RASGEF1C: variants seen among roughly 807,000 people sequenced by gnomAD.
RASGEF1C encodes RasGEF domain family member 1C.
In RASGEF1C, 27 loss-of-function variants were observed where a neutral mutation model predicts 58.1. That is an observed-to-expected ratio of 0.46 (90% CI 0.34 to 0.64). The LOEUF (loss-of-function observed/expected upper bound fraction) is 0.64, where lower values mean the gene tolerates loss of function less well. RASGEF1C is among the 30% of genes least tolerant of loss of function. RASGEF1C has a pLI of 0.01. For synonymous variants in RASGEF1C, 243 were observed against 246.3 expected, an observed-to-expected ratio of 0.99 and a Z score of 0.13; for missense variants, 502 against 605.1, an observed-to-expected ratio of 0.83 and a Z score of 1.79.
At chr5:180,179,555 G>A (rs1767288135) in intron 1 of RASGEF1C, among the ~76,000 whole-genome samples, 1 of 152,192 alleles carries the variant, frequency 6.6e-6, no homozygotes, top group Non-Finnish European at 1.5e-5. Context: ...ATTACCCTAA[G>A]GAGCTAACCC....
intron 1 of RASGEF1C, among the ~76,000 whole-genome samples, chr5:180,206,058 TTCTC>T (rs139871259): frequency 1.3e-5 from 2 of 151,518 alleles, no homozygotes; most frequent in African/African-American, 2.4e-5. Context: ...AATATATTTT[TTCTC>T]TCTCTCTCTC....
In RASGEF1C at chr5:180,126,539, T is replaced by G. The variant is rs565358659; in HGVS notation, c.714+1070A>C. 8.5e-5 allele frequency among the ~76,000 whole-genome samples: 13 copies of G among 152,312 alleles called. No homozygotes were observed. In the South Asian group the frequency reaches 2.5e-3, roughly 29 times the overall value. ...ATACATGGTTTTGTGTTACCCTCTT[T>G]TTTTGTTACCCAAATGGTCACACAC... On this transcript the variant is annotated intron_variant, in intron 6 of 13. Transcript: ENST00000361132.
intron 8 of RASGEF1C, among the ~76,000 whole-genome samples, chr5:180,119,142 G>T (rs907633119): frequency 1.3e-5 from 2 of 152,232 alleles, no homozygotes; most frequent in African/African-American, 4.8e-5. Context: ...TCCCGAGGGG[G>T]CTGGGCTTGC....
intron 4 of RASGEF1C, among the ~76,000 whole-genome samples, chr5:180,132,753 G>A (rs1424571881): frequency 5.3e-5 from 8 of 152,228 alleles, no homozygotes; most frequent in Non-Finnish European, 7.4e-5. Flanking sequence ...GGCAGATCAC[G>A]AGGTCAGGAG....
intron 1 of RASGEF1C, 69 bp from the exon 2 acceptor site, chr5:180,138,127 C>T: frequency 2.0e-6 from 2 of 984,532 alleles, no homozygotes; most frequent in Non-Finnish European, 2.9e-6. Flanking sequence ...TGAGTGGGAG[C>T]TGCTGGTCCC....
rs926734381 is a variant in RASGEF1C, at chr5:180,155,737, G to A, written c.-6-17679C>T. On this transcript the variant is annotated intron_variant, in intron 1 of 13. Coordinates refer to ENST00000361132, the MANE Select transcript of RASGEF1C (RefSeq NM_175062.4). This position sits in a 1 kb window ranked among gnomAD's most constrained non-coding sequence, Gnocchi z 5.2. ...ACTCTTGGCCCACGTTCTCAATTAC[G>A]TCCTGAGAACATACTTCTACAAGGA... 1.3e-5 allele frequency among the ~76,000 whole-genome samples: 2 copies of A among 151,938 alleles called. No individual in the cohort carries two copies. The highest frequency in any genetic ancestry group is 6.6e-5 in the Admixed American group (1 of 15,262).
At chr5:180,191,294 T>G (rs1237701085) in intron 1 of RASGEF1C, among the ~76,000 whole-genome samples, 1 of 152,214 alleles carries the variant, frequency 6.6e-6, no homozygotes, top group Non-Finnish European at 1.5e-5. Flanking sequence ...TAGGTATTTA[T>G]CCAAGAAAAA....
intron 11 of RASGEF1C, 85 bp downstream of exon 11, chr5:180,114,361 G>T: frequency 7.5e-7 from 1 of 1,329,126 alleles, no homozygotes; most frequent in Non-Finnish European, 1.1e-6. Flanking sequence ...CCCCCATGAG[G>T]CTGGGTGTCC....
intron 4 of RASGEF1C, among the ~76,000 whole-genome samples, chr5:180,134,439 G>C (rs970869682): frequency 5.9e-5 from 9 of 151,416 alleles, no homozygotes; most frequent in Non-Finnish European, 8.8e-5. Context: ...GGACAAATCT[G>C]CCTGGTCATA....
At chr5:180,208,569 T>TCG (rs1561762484) in intron 1 of RASGEF1C, among the ~76,000 whole-genome samples, 1 of 152,038 alleles carries the variant, frequency 6.6e-6, no homozygotes, top group Non-Finnish European at 1.5e-5. Context: ...TCCGATCCCA[T>TCG]CCTCAAGGGT....
intron 1 of RASGEF1C, among the ~76,000 whole-genome samples, chr5:180,201,132 C>T (rs893349731): frequency 2.6e-5 from 4 of 152,088 alleles, no homozygotes; most frequent in Non-Finnish European, 5.9e-5. Context: ...TCCCACCCTA[C>T]ATGGGGAAAC....
chr5:180,136,447 C>T lies in RASGEF1C; in HGVS notation c.369G>A (p.Arg123=), dbSNP rs1208648454. Residue 123 remains arginine, a synonymous_variant, in exon 4 of 14, where the codon AGG becomes AGA. Coordinates refer to ENST00000361132, the MANE Select transcript of RASGEF1C (RefSeq NM_175062.4). ...LLAEWTETFP[R]DFQEESTIGH... ...CGATAGTCGACTCTTCCTGGAAGTC[C>T]CTTGGGAAGGTCTCGGTCCACTCGG... The T allele has an allele frequency of 6.4e-7, 1 of 1,561,478 alleles. No individual in the cohort carries two copies. Among genetic ancestry groups the T allele is most frequent in the Non-Finnish European group, 8.7e-7 (1 of 1,152,642 alleles).
intron 7 of RASGEF1C, 119 bp from the exon 8 acceptor site, chr5:180,119,567 T>C: frequency 1.4e-6 from 1 of 726,944 alleles, no homozygotes; most frequent in Admixed American, 2.2e-5. Context: ...CTGAGGCACT[T>C]GAGGCTCAGG....
At chr5:180,163,240 T>TTTTTTTTTTTTA in intron 1 of RASGEF1C, among the ~76,000 whole-genome samples, 1 of 74,682 alleles carries the variant, frequency 1.3e-5, no homozygotes, top group Non-Finnish European at 2.5e-5. Context: ...ACTTTTTTTT[T>TTTTTTTTTTTTA]TTTTTTTTTT....
At chr5:180,201,284 G>A (rs932043648) in intron 1 of RASGEF1C, among the ~76,000 whole-genome samples, 10 of 152,158 alleles carry the variant, frequency 6.6e-5, no homozygotes, top group Non-Finnish European at 8.8e-5. Context: ...GGCAGCCTTC[G>A]GAGGCTTGCT....
chr5:180,147,358 G>T (rs555961321), intron 1 of RASGEF1C, among the ~76,000 whole-genome samples: 1 of 151,262 alleles, frequency 6.6e-6, no homozygotes, highest in African/African-American at 2.4e-5. Flanking sequence ...GGTTTAGTTT[G>T]TTCCTCTTTT....
intron 1 of RASGEF1C, among the ~76,000 whole-genome samples, chr5:180,151,539 C>T (rs1766745393): frequency 1.3e-5 from 2 of 152,084 alleles, no homozygotes; most frequent in Admixed American, 1.3e-4. Context: ...AACTGGATCC[C>T]TTCCTTACAC....
intron 4 of RASGEF1C, 52 bp from the exon 5 acceptor site, chr5:180,128,662 C>CT (rs1561737163): frequency 6.4e-7 from 1 of 1,562,084 alleles, no homozygotes. Flanking sequence ...CTCTGCATCT[C>CT]TAACACTGGA....
At chr5:180,129,531 C>G (rs901833991) in intron 4 of RASGEF1C, among the ~76,000 whole-genome samples, 1 of 152,176 alleles carries the variant, frequency 6.6e-6, no homozygotes, top group African/African-American at 2.4e-5. Context: ...GCAATCGGAG[C>G]CCCCAGACCC....
Sources: allele counts gnomAD v4.1 joint callset (sites outside exome capture counted in the v4.1 genomes callset), GRCh38; gene constraint gnomAD v4.1.1; non-coding constraint Gnocchi (gnomAD v3.1); transcripts MANE v1.5; gene names NCBI Gene and HGNC (gene_info 2026-07-23, HGNC 2026-07-21).